Variants in DHX38 observed in about 807,000 individuals in gnomAD.
The protein encoded by DHX38 is DEAH-box helicase 38, also known as pre-mRNA-splicing factor ATP-dependent RNA helicase PRP16.
A neutral mutation model predicts 153.1 loss-of-function variants in DHX38; 100 were observed. The observed-to-expected ratio is 0.65, with a 90% CI of 0.56 to 0.77. The LOEUF (loss-of-function observed/expected upper bound fraction) is 0.77, where lower values mean the gene tolerates loss of function less well. Ranked by LOEUF, DHX38 falls within the 30% of genes least tolerant of loss-of-function variation. The pLI is 0.00. For missense variants in DHX38, 1,440 were observed against 1,654.0 expected (o/e 0.87, Z 2.24); for synonymous variants, 650 against 631.7 (o/e 1.03, Z -0.43).
Position 72,099,184 on chromosome 16 carries a change from T to C in DHX38, c.884-20T>C, listed in dbSNP as rs1391603379. On this transcript the variant is annotated intron_variant, in intron 6 of 26. Coordinates refer to ENST00000268482, the MANE Select transcript of DHX38 (RefSeq NM_014003.4). The stretch of plus-strand genomic sequence containing the variant: ...GGACAGGCCAGGGCATGGACTGACC[T>C]GCTTCCTGTGCTCCTCCAGGAAGAC... 6.2e-7 allele frequency: 1 copy of C among 1,602,862 alleles called. No individual in the cohort carries two copies. Among genetic ancestry groups the C allele is most frequent in the South Asian group, 1.1e-5 (1 of 89,186 alleles).
chr16:72,105,711 C>T, intron 18 of DHX38, 87 bp downstream of exon 18: 1 of 1,338,202 alleles, frequency 7.5e-7, no homozygotes. Flanking sequence ...TCGCTCCTGG[C>T]CCTGGGATGT....
Position 72,107,949 on chromosome 16 carries a change from G to T in DHX38, c.2964+150G>T. Reference sequence around the variant, plus strand: ...TGCTGTTCTCGGTTAAGCAGGTTGGGGTAGGGGAAAGGAAGGGCTGGGCCA... The same window carrying T: ...TGCTGTTCTCGGTTAAGCAGGTTGGTGTAGGGGAAAGGAAGGGCTGGGCCA... On this transcript the variant is annotated intron_variant, in intron 21 of 26. Coordinates refer to ENST00000268482, the MANE Select transcript of DHX38 (RefSeq NM_014003.4). This position sits in a 1 kb window ranked among gnomAD's most constrained non-coding sequence, Gnocchi z 5.3. 1.6e-6 allele frequency: 2 copies of T among 1,262,376 alleles called. No homozygotes were observed. The highest frequency in any genetic ancestry group is 2.1e-6 in the Non-Finnish European group (2 of 937,144). 78.2% of individuals were successfully genotyped at this position (1,262,376 alleles called of 1,614,324 possible).
intron 12 of DHX38, 66 bp downstream of exon 12, chr16:72,103,277 C>A: frequency 6.4e-7 from 1 of 1,558,990 alleles, no homozygotes; most frequent in Non-Finnish European, 8.7e-7. Context: ...CCCATGTTTA[C>A]CCAGGAGCTC....
In DHX38 at chr16:72,110,969, G is replaced by A. The variant is rs1051798890; in HGVS notation, c.3491G>A (p.Arg1164Gln). ...CCTCTTCAATAGGAGAACCGTCGTCGGGCCAAAGAGGAAGCCTCTGCCATG... is the reference window on the plus strand; with the variant it reads ...CCTCTTCAATAGGAGAACCGTCGTCAGGCCAAAGAGGAAGCCTCTGCCATG... ...AGKSRQENRR[R>Q]AKEEASAMEE... The change falls in exon 26 of 27, where the codon CGG becomes CAG. Residue 1164 changes from arginine (R) to glutamine (Q), a missense_variant. By Grantham distance (43) the Arg-to-Gln change is conservative. Coordinates refer to ENST00000268482, the MANE Select transcript of DHX38 (RefSeq NM_014003.4). 19 of 1,587,030 alleles carry A rather than the reference G, an allele frequency of 1.2e-5. No homozygotes were observed. The highest frequency in any genetic ancestry group is 1.1e-4 in the East Asian group (5 of 43,728).
At position 72,107,230 on chromosome 16, in the gene DHX38, A is replaced by G. The variant is rs1325966985; in HGVS notation, c.2601-110A>G. 4 of 1,143,456 alleles carry G rather than the reference A, an allele frequency of 3.5e-6. No individual in the cohort carries two copies. In the Admixed American group the frequency reaches 6.9e-5, roughly 20 times the overall value. 70.8% of individuals were successfully genotyped at this position (1,143,456 alleles called of 1,614,324 possible). A position where few individuals can be genotyped will look rare whatever the true frequency, so the allele number is the denominator to read the frequency against. On this transcript the variant is annotated intron_variant, in intron 19 of 26. Coordinates refer to ENST00000268482, the MANE Select transcript of DHX38 (RefSeq NM_014003.4). The surrounding 1 kb of genome is among the most constrained non-coding windows in gnomAD (Gnocchi z 5.3). ...GTGGAAGTCAGTGATTCACTGAAGT[A>G]GTGGGTGGGGAGAAGAAATGAGAAT...
At chr16:72,096,052 C>T (rs77597309) in intron 1 of DHX38, 87 bp from the exon 2 acceptor site, 5 of 1,353,916 alleles carry the variant, frequency 3.7e-6, no homozygotes, top group Non-Finnish European at 5.0e-6. Flanking sequence ...GAAGGTTAAT[C>T]ACCTACATAT....
rs1236753685 is a variant in DHX38 at position 72,105,102 on chromosome 16, A to G, written c.2227A>G (p.Ile743Val). ...GCACCTGTCGGGGGCCCCTGGAGAC[A>G]TCCTTATCTTCATGCCTGGCCAAGA... ...QVHLSGAPGD[I>V]LIFMPGQEDI... The change falls in exon 16 of 27, where the codon ATC becomes GTC. Residue 743 changes from isoleucine to valine, a missense_variant. Physicochemically the swap from Ile to Val is conservative, Grantham distance 29 (BLOSUM62 3). This residue lies in a region of DHX38 where 543 missense variants were observed against 717.9 expected (regional missense o/e 0.76). Coordinates refer to ENST00000268482, the MANE Select transcript of DHX38 (RefSeq NM_014003.4). 1.2e-6 allele frequency: 2 copies of G among 1,614,218 alleles called. No individual in the cohort carries two copies.
rs1394880972 is a variant in DHX38 at position 72,109,484 on chromosome 16, G to A, written c.3451G>A (p.Val1151Met). The change falls in exon 25 of 27, where the codon GTG becomes ATG. Residue 1151 changes from valine (V) to methionine (M), a missense_variant. By Grantham distance (21) the Val-to-Met change is conservative. Around this residue, in one of 6 missense-constraint regions of DHX38, gnomAD observed 543 missense variants for 717.9 expected, o/e 0.76. Coordinates refer to ENST00000268482, the MANE Select transcript of DHX38 (RefSeq NM_014003.4). ...GGAGCTGGGCCCCATGTTCTATAGCGTGAAACAGGCGGGCAAGTCACGGCA... is the reference window on the plus strand; with the variant it reads ...GGAGCTGGGCCCCATGTTCTATAGCATGAAACAGGCGGGCAAGTCACGGCA... ...LAELGPMFYS[V>M]KQAGKSRQEN... The A allele has an allele frequency of 2.5e-6, 4 of 1,612,536 alleles. No individual in the cohort carries two copies. The highest frequency in any genetic ancestry group is 2.2e-5 in the East Asian group (1 of 44,740).
At chr16:72,112,250 T>A (rs1203167023) in intron 26 of DHX38, 163 bp from the exon 27 acceptor site, 1 of 646,124 alleles carries the variant, frequency 1.5e-6, no homozygotes, top group Non-Finnish European at 2.7e-6. Context: ...CAGTCGAACA[T>A]GGGGACGGCA....
rs1368279808 is a variant in DHX38 at position 72,104,979 on chromosome 16, C to T, written c.2152-48C>T. 2 of 1,577,142 alleles carry T rather than the reference C, an allele frequency of 1.3e-6. No individual in the cohort carries two copies. Among genetic ancestry groups the T allele is most frequent in the Non-Finnish European group, 1.7e-6 (2 of 1,154,522 alleles). ...ACTGGGCTCCCAGGAGATGCCCGGCCTGCGCTTCTAGTACCTCCCTCTGAC... is the reference window on the plus strand; with the variant it reads ...ACTGGGCTCCCAGGAGATGCCCGGCTTGCGCTTCTAGTACCTCCCTCTGAC... On this transcript the variant is annotated intron_variant, in intron 15 of 26. Coordinates refer to ENST00000268482, the MANE Select transcript of DHX38 (RefSeq NM_014003.4). The surrounding 1 kb of genome is among the most constrained non-coding windows in gnomAD (Gnocchi z 4.5).
chr16:72,104,509 G>C lies in DHX38; in HGVS notation c.2034G>C (p.Leu678=). 1 of 1,614,060 alleles carries C rather than the reference G, an allele frequency of 6.2e-7. No homozygotes were observed. ...AGGTAGTGGCTCGGCGCTCAGACCT[G>C]AAGCTCATCGTCACATCAGCCACGA... ...LREVVARRSD[L]KLIVTSATMD... Residue 678 remains leucine, a synonymous_variant, in exon 15 of 27, where the codon CTG becomes CTC. Coordinates refer to ENST00000268482, the MANE Select transcript of DHX38 (RefSeq NM_014003.4). This position sits in a 1 kb window ranked among gnomAD's most constrained non-coding sequence, Gnocchi z 4.5.
chr16:72,095,875 G>C (rs1368808481), intron 1 of DHX38, among the ~76,000 whole-genome samples: 2 of 151,328 alleles, frequency 1.3e-5, no homozygotes, highest in African/African-American at 4.9e-5. Flanking sequence ...CTTTGTGGGG[G>C]CTGGGGAGGA....
intron 8 of DHX38, 28 bp downstream of exon 8, chr16:72,099,915 G>T: frequency 6.3e-7 from 1 of 1,579,860 alleles, no homozygotes. Context: ...AGTTGGAGCA[G>T]ATTCAGAGCT....
chr16:72,109,931 C>T (rs1353942561), intron 25 of DHX38, among the ~76,000 whole-genome samples: 3 of 152,068 alleles, frequency 2.0e-5, no homozygotes, highest in African/African-American at 7.2e-5. Context: ...GTGTCTCTGA[C>T]TAAAAGGACT....
At chr16:72,110,810 C>T (rs532639099) in intron 25 of DHX38, 146 bp from the exon 26 acceptor site, 26 of 1,093,518 alleles carry the variant, frequency 2.4e-5, no homozygotes, top group East Asian at 5.3e-5. Flanking sequence ...GAAGAGAAGG[C>T]GGCTTTGGTA....
In DHX38 at chr16:72,103,198, C is replaced by T. The variant is rs756522633; in HGVS notation, c.1624C>T (p.Leu542Phe). ...LPIFAVQQEL[L>F]TIIRDNSIVI... The stretch of plus-strand genomic sequence containing the variant: ...CATCTTTGCAGTGCAGCAGGAGCTG[C>T]TCACTATTATCAGGTAACTTCACCC... The change falls in exon 12 of 27, where the codon CTC (leucine) becomes TTC (phenylalanine). Residue 542 changes from leucine (L) to phenylalanine (F), a missense_variant. Physicochemically the swap from Leu to Phe is conservative, Grantham distance 22 (BLOSUM62 0). This residue lies in a region of DHX38 where 241 missense variants were observed against 229.5 expected (regional missense o/e 1.05). Coordinates refer to ENST00000268482, the MANE Select transcript of DHX38 (RefSeq NM_014003.4). 4 of 1,614,104 alleles carry T rather than the reference C, an allele frequency of 2.5e-6. No homozygotes were observed. In the South Asian group the frequency reaches 4.4e-5, roughly 18 times the overall value.
intron 17 of DHX38, 45 bp downstream of exon 17, chr16:72,105,393 A>G (rs755785885): frequency 1.9e-6 from 3 of 1,607,746 alleles, no homozygotes; most frequent in Non-Finnish European, 2.6e-6. Context: ...GAGTTCTCTA[A>G]AGGAAGCGAG....
chr16:72,112,049 A>G (rs1337271406), intron 26 of DHX38: 1 of 260,852 alleles, frequency 3.8e-6, no homozygotes, highest in Non-Finnish European at 7.5e-6. Context: ...CACTCCAGTC[A>G]CTTGGGAAAT....
rs531516242 is a variant in DHX38 at position 72,112,427 on chromosome 16, A to G, written c.3614A>G (p.Tyr1205Cys). The G allele has an allele frequency of 1.9e-6, 3 of 1,609,932 alleles. No homozygotes were observed. Among genetic ancestry groups the G allele is most frequent in the South Asian group, 2.2e-5 (2 of 91,080 alleles). ...PLGSVRSTKI[Y>C]TPGRKEQGEP... The stretch of plus-strand genomic sequence containing the variant: ...TGTGTCTCCAGGTCTACGAAGATCT[A>G]CACTCCAGGCCGGAAAGAGCAAGGG... The change falls in exon 27 of 27, where the codon TAC (tyrosine) becomes TGC (cysteine). Residue 1205 changes from tyrosine to cysteine, a missense_variant. Tyr to Cys is a radical substitution (Grantham distance 194, BLOSUM62 -2). Transcript: ENST00000268482.
Sources: allele counts gnomAD v4.1 joint callset (sites outside exome capture counted in the v4.1 genomes callset), GRCh38; gene constraint gnomAD v4.1.1; regional missense constraint gnomAD v4.1.1; non-coding constraint Gnocchi (gnomAD v3.1); transcripts MANE v1.5; gene names NCBI Gene and HGNC (gene_info 2026-07-23, HGNC 2026-07-21).